ACCS: variants seen among roughly 807,000 people sequenced by gnomAD.
The protein encoded by ACCS is 1-aminocyclopropane-1-carboxylate synthase-like protein 1.
In ACCS, 42 loss-of-function variants were observed where a neutral mutation model predicts 59.8. The ratio of observed to expected loss-of-function variants is 0.70; its 90% CI spans 0.55 to 0.91. ACCS has a LOEUF of 0.91. Ranked by LOEUF, ACCS falls within the 40% of genes least tolerant of loss-of-function variation. The pLI is 0.00. For missense variants in ACCS, 602 were observed against 630.4 expected, an observed-to-expected ratio of 0.95 and a Z score of 0.48; for synonymous variants, 230 against 240.3, an observed-to-expected ratio of 0.96 and a Z score of 0.40.
chr11:44,074,590 T>C lies in ACCS; in HGVS notation c.420-22T>C, dbSNP rs199823829. Reference sequence around the variant, plus strand: ...GGGTTGGGGACCATCTGGCAAGCACTGTCTTTTTGTCTTATCTTCAGCCTC... The same window carrying C: ...GGGTTGGGGACCATCTGGCAAGCACCGTCTTTTTGTCTTATCTTCAGCCTC... On this transcript the variant is annotated intron_variant, in intron 4 of 14. Coordinates refer to ENST00000263776, the MANE Select transcript of ACCS (RefSeq NM_032592.4). 3.3e-5 allele frequency: 53 copies of C among 1,609,646 alleles called. No individual in the cohort carries two copies. The African/African-American group carries it at 6.3e-4, about 19-fold the overall frequency.
intron 9 of ACCS, 91 bp from the exon 10 acceptor site, chr11:44,079,440 C>T: frequency 9.3e-7 from 1 of 1,069,732 alleles, no homozygotes; most frequent in Middle Eastern, 3.0e-4. Context: ...ACCCCGGCCC[C>T]TCTGGATTTC....
intron 3 of ACCS, among the ~76,000 whole-genome samples, chr11:44,072,026 G>A (rs1953072567): frequency 6.6e-6 from 1 of 152,210 alleles, no homozygotes; most frequent in Admixed American, 6.5e-5. Flanking sequence ...CCTAATAAAT[G>A]TGTCTCCCAA....
chr11:44,074,545 G>A lies in ACCS; in HGVS notation c.420-67G>A, dbSNP rs1436246368. 2.4e-6 allele frequency: 3 copies of A among 1,225,886 alleles called. No individual in the cohort carries two copies. In the East Asian group the frequency reaches 7.0e-5, roughly 29 times the overall value. The allele number at this position is 1,225,886 out of a possible 1,614,324, so 75.9% of individuals were successfully genotyped here. On this transcript the variant is annotated intron_variant, in intron 4 of 14. Coordinates refer to ENST00000263776, the MANE Select transcript of ACCS (RefSeq NM_032592.4). Reference sequence around the variant, plus strand: ...GGCAGCTGCCTGAGGATTCACCAGAGGAGCTTCAGGATGCACCGTGGGTTG... The same window carrying A: ...GGCAGCTGCCTGAGGATTCACCAGAAGAGCTTCAGGATGCACCGTGGGTTG...
intron 1 of ACCS, chr11:44,067,373 C>A (rs1952837862): frequency 4.8e-6 from 2 of 414,612 alleles, no homozygotes; most frequent in Non-Finnish European, 8.6e-6. Context: ...GTAGAACACG[C>A]TAAAGCAGCA....
intron 6 of ACCS, among the ~76,000 whole-genome samples, chr11:44,076,829 T>C (rs1423044824): frequency 6.6e-6 from 1 of 152,238 alleles, no homozygotes; most frequent in Non-Finnish European, 1.5e-5. Flanking sequence ...CAGTTCCACA[T>C]GGCTGGGGAG....
rs761097339 is a variant in ACCS, at chr11:44,083,407, C to A, written c.1255-17C>A. ...GAGGGGTCTCAGCTATGTCCTGAGCCCCTTCCACCCTCTCAGTACCTGCCC... is the reference window on the plus strand; with the variant it reads ...GAGGGGTCTCAGCTATGTCCTGAGCACCTTCCACCCTCTCAGTACCTGCCC... On this transcript the variant is annotated splice_polypyrimidine_tract_variant and intron_variant, in intron 13 of 14. Coordinates refer to ENST00000263776, the MANE Select transcript of ACCS (RefSeq NM_032592.4). The A allele has an allele frequency of 2.9e-5, 46 of 1,613,960 alleles. No homozygotes were observed. The highest frequency in any genetic ancestry group is 3.2e-5 in the Non-Finnish European group (38 of 1,179,980).
chr11:44,068,931 A>G (rs186648707), intron 2 of ACCS, among the ~76,000 whole-genome samples: 212 of 152,346 alleles, frequency 1.4e-3, no homozygotes, highest in Non-Finnish European at 2.4e-3. Flanking sequence ...GAGAAAATAT[A>G]TGTATACTAT....
At chr11:44,081,887 G>A (rs141282754) in intron 12 of ACCS, among the ~76,000 whole-genome samples, 2 of 152,284 alleles carry the variant, frequency 1.3e-5, no homozygotes, top group Non-Finnish European at 2.9e-5. Flanking sequence ...TTTAAAGGAA[G>A]TATCTCTCTT....
rs747548139 is a variant in ACCS at position 44,075,597 on chromosome 11, G to A, written c.556+5G>A. 1.9e-6 allele frequency: 3 copies of A among 1,613,858 alleles called. No individual in the cohort carries two copies. In the Admixed American group the frequency reaches 5.0e-5, roughly 27 times the overall value. On this transcript the variant is annotated splice_donor_5th_base_variant and intron_variant, in intron 6 of 14. Coordinates refer to ENST00000263776, the MANE Select transcript of ACCS (RefSeq NM_032592.4). ...CGGTGCTGTGTGAGGCCGGGGGTAA[G>A]TGAGCTCTGTGGCCTGCCCCGCACT...
intron 2 of ACCS, among the ~76,000 whole-genome samples, 163 bp from the exon 3 acceptor site, chr11:44,071,083 GGGATCAGGCA>G (rs1229408027): frequency 6.6e-6 from 1 of 152,196 alleles, no homozygotes; most frequent in Non-Finnish European, 1.5e-5. Context: ...ATGGGAAGAT[GGGATCAGGCA>G]GCTGAGCAGA....
At chr11:44,068,891 C>T (rs1439345457) in intron 2 of ACCS, among the ~76,000 whole-genome samples, 3 of 152,122 alleles carry the variant, frequency 2.0e-5, no homozygotes, top group Admixed American at 2.0e-4. Flanking sequence ...AGCTCATATT[C>T]TAGTTAGGGA....
chr11:44,071,264 TA>T lies in ACCS; in HGVS notation c.299del (p.Asn100ThrfsTer18). ...DEDKNPSGII[N>X]LGTSENKLCF... The stretch of plus-strand genomic sequence containing the variant: ...GTACCTCTCATCTCCAGGGCATCAT[TA>T]ACTTGGGCACCAGTGAGAACAAACT... On this transcript the variant is annotated frameshift_variant, in exon 3 of 15. Coordinates refer to ENST00000263776, the MANE Select transcript of ACCS (RefSeq NM_032592.4). LOFTEE classifies it high-confidence loss of function. 1 of 1,614,124 alleles carries T rather than the reference TA, an allele frequency of 6.2e-7. No individual in the cohort carries two copies. The highest frequency in any genetic ancestry group is 8.5e-7 in the Non-Finnish European group (1 of 1,179,994).
intron 7 of ACCS, 160 bp from the exon 8 acceptor site, chr11:44,077,685 G>C (rs1289046886): frequency 1.4e-6 from 2 of 1,453,894 alleles, no homozygotes; most frequent in Admixed American, 2.7e-5. Flanking sequence ...GATGGGTTGG[G>C]GGTGGATGGC....
intron 2 of ACCS, 40 bp downstream of exon 2, chr11:44,067,955 C>T: frequency 1.9e-6 from 3 of 1,554,400 alleles, no homozygotes; most frequent in Non-Finnish European, 2.6e-6. Context: ...CAAGAGAGAA[C>T]TGCAGGGTGG....
intron 9 of ACCS, 22 bp from the exon 10 acceptor site, chr11:44,079,508 TC>T: frequency 6.3e-7 from 1 of 1,596,158 alleles, no homozygotes; most frequent in Non-Finnish European, 8.5e-7. Flanking sequence ...AAGTCTCTCC[TC>T]CCCACCCCTG....
At chr11:44,082,726 T>C (rs1377628083) in intron 12 of ACCS, among the ~76,000 whole-genome samples, 1 of 152,088 alleles carries the variant, frequency 6.6e-6, no homozygotes, top group Admixed American at 6.5e-5. Flanking sequence ...TTAGAATTCA[T>C]AGAACTGTAT....
At position 44,077,830 on chromosome 11, in the gene ACCS, TG is replaced by T; in HGVS notation, c.655-12del. On this transcript the variant is annotated splice_polypyrimidine_tract_variant and intron_variant, in intron 7 of 14. Transcript: ENST00000263776. ...CACTGAATGTGGCTGGTGGCTCTGA[TG>T]GGTCTTTTTCCAGGTCACTGGGCTA... The T allele has an allele frequency of 6.2e-7, 1 of 1,612,270 alleles. No individual in the cohort carries two copies.
rs568485859 is a variant in ACCS at position 44,076,327 on chromosome 11, C to T, written c.556+735C>T. 3.9e-5 allele frequency among the ~76,000 whole-genome samples: 6 copies of T among 152,294 alleles called. No individual in the cohort carries two copies. In the South Asian group the frequency reaches 1.2e-3, roughly 32 times the overall value. ...ACATTTATTGACCACGTACTGTGTT[C>T]CAGGGATTAGCCTAAGGCTTTATGC... On this transcript the variant is annotated intron_variant, in intron 6 of 14. Coordinates refer to ENST00000263776, the MANE Select transcript of ACCS (RefSeq NM_032592.4).
intron 8 of ACCS, chr11:44,078,395 T>C: frequency 2.6e-6 from 1 of 390,988 alleles, no homozygotes; most frequent in Non-Finnish European, 4.6e-6. Context: ...TCATGAAAGC[T>C]ATACATACTC....
Sources: allele counts gnomAD v4.1 joint callset (sites outside exome capture counted in the v4.1 genomes callset), GRCh38; gene constraint gnomAD v4.1.1; transcripts MANE v1.5; gene names NCBI Gene and HGNC (gene_info 2026-07-23, HGNC 2026-07-21).